Variants in VAV2 observed in about 807,000 individuals in gnomAD.
VAV2 encodes vav guanine nucleotide exchange factor 2, also known as guanine nucleotide exchange factor VAV2.
A neutral mutation model predicts 132.5 loss-of-function variants in VAV2; 67 were observed. That is an observed-to-expected ratio of 0.51 (90% CI 0.42 to 0.62). The LOEUF (loss-of-function observed/expected upper bound fraction) is 0.62. Ranked by LOEUF, VAV2 falls within the 20% of genes least tolerant of loss-of-function variation. The pLI is 0.00. For synonymous variants in VAV2, 492 were observed against 443.5 expected (o/e 1.11, Z -1.37); for missense variants, 938 against 1,153.6 (o/e 0.81, Z 2.71).
chr9:133,853,715 G>C (rs1372712208), intron 3 of VAV2, among the ~76,000 whole-genome samples: 1 of 152,036 alleles, frequency 6.6e-6, no homozygotes, highest in Non-Finnish European at 1.5e-5. Context: ...TAAACCAAAA[G>C]AAACCAAGCC....
chr9:133,915,871 C>T (rs1184490362), intron 2 of VAV2, among the ~76,000 whole-genome samples: 1 of 148,348 alleles, frequency 6.7e-6, no homozygotes, highest in Non-Finnish European at 1.5e-5. Flanking sequence ...TACATGTACA[C>T]GCGACCCACA....
At chr9:133,799,690 G>GTCTGTT (rs1001077069) in intron 9 of VAV2, among the ~76,000 whole-genome samples, 14 of 152,240 alleles carry the variant, frequency 9.2e-5, no homozygotes, top group Non-Finnish European at 1.3e-4. Flanking sequence ...ACCTAAATGA[G>GTCTGTT]TCTGTTATTA....
In VAV2 at chr9:133,834,981, G is replaced by A. The variant is rs1316814729; in HGVS notation, c.381-641C>T. 6.6e-6 allele frequency among the ~76,000 whole-genome samples: 1 copy of A among 152,148 alleles called. No individual in the cohort carries two copies. The highest frequency in any genetic ancestry group is 6.5e-5 in the Admixed American group (1 of 15,278). ...CATGGGGTCTCCCCAGAAGGAACGCGGCGGTGCTCCCCCACACTCCGCCCT... is the reference window on the plus strand; with the variant it reads ...CATGGGGTCTCCCCAGAAGGAACGCAGCGGTGCTCCCCCACACTCCGCCCT... On this transcript the variant is annotated intron_variant, in intron 3 of 29. Coordinates refer to ENST00000371850, the MANE Select transcript of VAV2 (RefSeq NM_001134398.2). This position sits in a 1 kb window ranked among gnomAD's most constrained non-coding sequence, Gnocchi z 5.9.
At chr9:133,938,852 C>T (rs974297030) in intron 2 of VAV2, among the ~76,000 whole-genome samples, 1 of 152,202 alleles carries the variant, frequency 6.6e-6, no homozygotes, top group Admixed American at 6.5e-5. Context: ...ATTCGTCACG[C>T]CTGGCCTCAC....
At chr9:133,765,276 T>C (rs593590) in intron 29 of VAV2, among the ~76,000 whole-genome samples, 59,438 of 152,130 alleles carry the variant, frequency 0.39, 14,203 homozygotes, top group East Asian at 0.93. Flanking sequence ...TGCAAATTAC[T>C]TGCTAATTAC....
chr9:133,805,772 G>T (rs1217187436), intron 9 of VAV2, among the ~76,000 whole-genome samples: 1 of 151,280 alleles, frequency 6.6e-6, no homozygotes, highest in African/African-American at 2.4e-5. Flanking sequence ...AGAAGTGGGG[G>T]CCCGAGATCT....
Sources: gnomAD v4.1 joint callset for allele counts (sites outside exome capture counted in the v4.1 genomes callset) on GRCh38, gnomAD v4.1.1 for gene constraint, Gnocchi (gnomAD v3.1) non-coding constraint, MANE v1.5 for transcripts, NCBI Gene and HGNC (gene_info 2026-07-23, HGNC 2026-07-21) for gene names.